Variants in BPIFB4 observed in about 807,000 individuals in gnomAD.
BPIFB4 encodes BPI fold-containing family B member 4.
A neutral mutation model predicts 69.2 loss-of-function variants in BPIFB4; 62 were observed. The observed-to-expected ratio is 0.90, with a 90% CI of 0.73 to 1.11. BPIFB4 has a LOEUF of 1.11. Ranked by LOEUF, BPIFB4 falls within the 50% of genes least tolerant of loss-of-function variation. The pLI, the probability that BPIFB4 is intolerant of heterozygous loss-of-function variation, is 0.00. For missense variants in BPIFB4, 789 were observed against 792.0 expected (o/e 1.00, Z 0.04); for synonymous variants, 330 against 332.7 (o/e 0.99, Z 0.09).
At chr20:33,107,867 C>T (rs1329918757) in intron 17 of BPIFB4, 47 bp downstream of exon 17, 2 of 1,524,118 alleles carry the variant, frequency 1.3e-6, no homozygotes. Flanking sequence ...CTGCCCTTTG[C>T]TCATCACCTT....
chr20:33,100,520 C>G (rs1476025857), intron 14 of BPIFB4, 27 bp downstream of exon 14: 24 of 1,589,036 alleles, frequency 1.5e-5, no homozygotes, highest in South Asian at 4.4e-5. Flanking sequence ...CCTTGGGGTC[C>G]TGACGGTGCT....
intron 16 of BPIFB4, 138 bp from the exon 17 acceptor site, chr20:33,107,606 A>G: frequency 1.6e-6 from 1 of 626,450 alleles, no homozygotes; most frequent in East Asian, 3.1e-5. Context: ...ACTGCACTCC[A>G]GCCTGGGCAA....
chr20:33,087,321 C>A (rs969600089), intron 7 of BPIFB4, among the ~76,000 whole-genome samples: 1 of 152,232 alleles, frequency 6.6e-6, no homozygotes, highest in Non-Finnish European at 1.5e-5. Context: ...CTTCCAGTTT[C>A]TTTGTACACA....
intron 7 of BPIFB4, among the ~76,000 whole-genome samples, chr20:33,087,717 A>AACACACACACACACACACAC (rs1555882746): frequency 2.2e-4 from 13 of 59,398 alleles, no homozygotes; most frequent in African/African-American, 8.0e-4. Context: ...CTATCCCCTC[A>AACACACACACACACACACAC]ACACACACAC....
chr20:33,106,612 A>C (rs1318299773), intron 16 of BPIFB4, among the ~76,000 whole-genome samples: 1 of 152,028 alleles, frequency 6.6e-6, no homozygotes, highest in African/African-American at 2.4e-5. Context: ...ACCTCAAGTG[A>C]TCCACCCACC....
chr20:33,087,717 A>AAC (rs1555882746), intron 7 of BPIFB4, among the ~76,000 whole-genome samples: 3,216 of 59,426 alleles, frequency 0.054, 67 homozygotes, highest in Middle Eastern at 0.13. Flanking sequence ...CTATCCCCTC[A>AAC]ACACACACAC....
intron 12 of BPIFB4, among the ~76,000 whole-genome samples, chr20:33,096,753 GA>G (rs1981767146): frequency 6.6e-6 from 1 of 152,238 alleles, no homozygotes; most frequent in African/African-American, 2.4e-5. Context: ...CAGCAGGGGG[GA>G]TTCAGGCTGG....
chr20:33,105,816 G>A (rs1327911807), intron 16 of BPIFB4, among the ~76,000 whole-genome samples: 1 of 152,200 alleles, frequency 6.6e-6, no homozygotes, highest in East Asian at 1.9e-4. Context: ...GTCAGGGGCT[G>A]GGCTGGGCTG....
At position 33,083,192 on chromosome 20, in the gene BPIFB4, G is replaced by A. The variant is rs551733822; in HGVS notation, c.170-175G>A. On this transcript the variant is annotated intron_variant, in intron 4 of 17. Transcript: ENST00000375483. Reference sequence around the variant, plus strand: ...CAGTGGTGGGGAGTTGCTGGGTGGAGGAGGTGGCAGTGGTGGGGGGTTGCT... The same window carrying A: ...CAGTGGTGGGGAGTTGCTGGGTGGAAGAGGTGGCAGTGGTGGGGGGTTGCT... Among the ~76,000 whole-genome samples, 251 of 127,714 alleles carry A rather than the reference G, an allele frequency of 2.0e-3. 1 individual carries two copies. The highest frequency in any genetic ancestry group is 7.2e-3 in the African/African-American group (235 of 32,708). The allele number at this position is 127,714 out of a possible 152,430, so 83.8% of individuals were successfully genotyped here. A position where few individuals can be genotyped will look rare whatever the true frequency, so the allele number is the denominator to read the frequency against.
Position 33,083,432 on chromosome 20 carries a change from A to G in BPIFB4, c.235A>G (p.Lys79Glu), listed in dbSNP as rs1222189497. ...ACCCCCCCCAGTATATACCAACGGC[A>G]AAAAACTTGATGGTATTTACCAGTA... ...RGPPPVYTNG[K>E]KLDGIYQYGH... The change falls in exon 5 of 18, where the codon AAA becomes GAA. Residue 79 changes from lysine (K) to glutamate (E), a missense_variant. Physicochemically the swap from Lys to Glu is moderately conservative, Grantham distance 56. Transcript: ENST00000375483. The G allele has an allele frequency of 6.2e-7, 1 of 1,613,772 alleles. No homozygotes were observed. Among genetic ancestry groups the G allele is most frequent in the East Asian group, 2.2e-5 (1 of 44,856 alleles).
In BPIFB4 at chr20:33,102,347, G is replaced by A. The variant is rs183789236; in HGVS notation, c.1638-625G>A. On this transcript the variant is annotated intron_variant, in intron 14 of 17. Transcript: ENST00000375483. ...CGATTTCCGCCCCACGGGCAAGCCC[G>A]GTCTGGCCTCTCTCGGGTAGGACTG... is the stretch of plus-strand genomic sequence containing the variant. Among the ~76,000 whole-genome samples, 110 of 152,358 alleles carry A rather than the reference G, an allele frequency of 7.2e-4. 1 individual carries two copies. Among genetic ancestry groups the A allele is most frequent in the South Asian group, 4.6e-3 (22 of 4,828 alleles).
At chr20:33,090,651 A>C in intron 9 of BPIFB4, 57 bp from the exon 10 acceptor site, 1 of 1,603,610 alleles carries the variant, frequency 6.2e-7, no homozygotes, top group East Asian at 2.2e-5. Flanking sequence ...GTGTATGAGG[A>C]GGGAAGGCAT....
At chr20:33,108,975 C>T (rs1982156017) in intron 17 of BPIFB4, among the ~76,000 whole-genome samples, 1 of 152,222 alleles carries the variant, frequency 6.6e-6, no homozygotes, top group Non-Finnish European at 1.5e-5. Context: ...AGGCTCAGAC[C>T]CAGGGAACAG....
At chr20:33,084,096 G>A (rs891219737) in intron 5 of BPIFB4, among the ~76,000 whole-genome samples, 1 of 152,112 alleles carries the variant, frequency 6.6e-6, no homozygotes, top group Admixed American at 6.5e-5. Flanking sequence ...TCATGTTTGC[G>A]TGTGACTTTG....
rs1981721267 is a variant in BPIFB4 at position 33,095,147 on chromosome 20, C to A, written c.1392C>A (p.Ile464=). The change falls in exon 12 of 18, where the codon ATC becomes ATA. Residue 464 remains isoleucine (I), a synonymous_variant. Transcript: ENST00000375483. ...CCACAGCCACACTGGGAGCCCTGAT[C>A]CCCAAGGTATGTAAGGTGGGCAGGT... ...PLTTATLGAL[I]PKVFQQYPES... 1 of 1,609,786 alleles carries A rather than the reference C, an allele frequency of 6.2e-7. No homozygotes were observed. The highest frequency in any genetic ancestry group is 2.2e-5 in the East Asian group (1 of 44,848).
In BPIFB4 at chr20:33,102,320, A is replaced by T. The variant is rs564818442; in HGVS notation, c.1638-652A>T. On this transcript the variant is annotated intron_variant, in intron 14 of 17. Coordinates refer to ENST00000375483, the MANE Select transcript of BPIFB4 (RefSeq NM_182519.3). The stretch of plus-strand genomic sequence containing the variant: ...GAGCTGATGCTTCTGAACAGCCCCG[A>T]ACGATTTCCGCCCCACGGGCAAGCC... 3.9e-5 allele frequency among the ~76,000 whole-genome samples: 6 copies of T among 152,352 alleles called. No homozygotes were observed. In the South Asian group the frequency reaches 1.2e-3, roughly 32 times the overall value.
chr20:33,089,671 G>A lies in BPIFB4; in HGVS notation c.1051+113G>A, dbSNP rs547519322. On this transcript the variant is annotated intron_variant, in intron 9 of 17. Coordinates refer to ENST00000375483, the MANE Select transcript of BPIFB4 (RefSeq NM_182519.3). ...AGACCTGCCCTTAGGCCCTTGAAGT[G>A]AGGAGTGGCTAATGCCACAAGGGAG... The A allele has an allele frequency of 1.2e-4, 180 of 1,532,908 alleles. 1 individual carries two copies. The East Asian group carries it at 3.6e-3, about 31-fold the overall frequency. The allele number at this position is 1,532,908 out of a possible 1,614,324, so 95.0% of individuals were successfully genotyped here.
chr20:33,083,974 GC>G, intron 5 of BPIFB4, 100 bp downstream of exon 5: 1 of 1,363,538 alleles, frequency 7.3e-7, no homozygotes, highest in Non-Finnish European at 9.8e-7. Flanking sequence ...GGTCTTCAGA[GC>G]CCCACACACT....
intron 8 of BPIFB4, among the ~76,000 whole-genome samples, chr20:33,089,294 GT>G (rs1981527028): frequency 6.6e-6 from 1 of 152,210 alleles, no homozygotes; most frequent in Admixed American, 6.5e-5. Context: ...TGGGTGCCAA[GT>G]TGCATCATCT....
Sources: gnomAD v4.1 joint callset for allele counts (sites outside exome capture counted in the v4.1 genomes callset) on GRCh38, gnomAD v4.1.1 for gene constraint, MANE v1.5 for transcripts, NCBI Gene and HGNC (gene_info 2026-07-23, HGNC 2026-07-21) for gene names.